The following NF1 variants were observed in gnomAD, a reference collection of about 807,000 sequenced individuals.
The protein encoded by NF1 is neurofibromin.
In NF1, 122 loss-of-function variants were observed where a neutral mutation model predicts 325.7. The ratio of observed to expected loss-of-function variants is 0.37; its 90% CI spans 0.32 to 0.44. NF1 has a LOEUF of 0.44. NF1 is among the 20% of genes least tolerant of loss of function. The pLI is 1.00. For synonymous variants in NF1, 1,091 were observed against 1,186.0 expected, an observed-to-expected ratio of 0.92 and a Z score of 1.65; for missense variants, 2,140 against 3,415.4, an observed-to-expected ratio of 0.63 and a Z score of 9.31.
chr17:31,338,354 C>T (rs564095297), intron 45 of NF1, among the ~76,000 whole-genome samples: 3 of 152,256 alleles, frequency 2.0e-5, no homozygotes, highest in East Asian at 1.9e-4. Flanking sequence ...CTGATTACTT[C>T]ATTAAGGAAG....
chr17:31,285,736 G>C (rs1215989800), intron 36 of NF1, among the ~76,000 whole-genome samples: 4 of 152,040 alleles, frequency 2.6e-5, no homozygotes, highest in Non-Finnish European at 5.9e-5. Flanking sequence ...TCAGCTGCTT[G>C]TGAGGCTGAG....
intron 5 of NF1, among the ~76,000 whole-genome samples, chr17:31,175,344 G>GCTTTT (rs2066002108): frequency 3.5e-5 from 3 of 84,646 alleles, no homozygotes; most frequent in Non-Finnish European, 7.5e-5. Context: ...CTGTGCTTTT[G>GCTTTT]CTTTTTTTTT....
intron 8 of NF1, among the ~76,000 whole-genome samples, chr17:31,189,551 A>G (rs1318057887): frequency 6.6e-6 from 1 of 152,190 alleles, no homozygotes; most frequent in African/African-American, 2.4e-5. Context: ...CCTCACTCGC[A>G]GCCCTTGGCA....
At position 31,181,804 on chromosome 17, in the gene NF1, T is replaced by TC. The variant is rs2066141373; in HGVS notation, c.730+19_730+20insC. ...ATGGCTGGTAAGGATACGATTGATT[T>TC]TTTTTTTTTTTTTGTCTTTTAAATG... is the stretch of plus-strand genomic sequence containing the variant. On this transcript the variant is annotated intron_variant, in intron 7 of 57. Coordinates refer to ENST00000358273, the MANE Select transcript of NF1 (RefSeq NM_001042492.3). 1 of 1,476,058 alleles carries TC rather than the reference T, an allele frequency of 6.8e-7. No homozygotes were observed. The highest frequency in any genetic ancestry group is 1.4e-5 in the African/African-American group (1 of 69,336). The allele number at this position is 1,476,058 out of a possible 1,614,324, so 91.4% of individuals were successfully genotyped here.
At chr17:31,194,594 T>G (rs1207787582) in intron 8 of NF1, among the ~76,000 whole-genome samples, 1 of 152,182 alleles carries the variant, frequency 6.6e-6, no homozygotes, top group African/African-American at 2.4e-5. Flanking sequence ...TACCTTGATT[T>G]GATCTCTGTA....
At chr17:31,326,579 G>A (rs1161962200) in intron 37 of NF1, among the ~76,000 whole-genome samples, 1 of 152,070 alleles carries the variant, frequency 6.6e-6, no homozygotes, top group Non-Finnish European at 1.5e-5. Flanking sequence ...CCCGGGAGGT[G>A]GAGGTTGCAG....
At chr17:31,318,471 G>A (rs201100937) in intron 36 of NF1, 41 of 1,613,950 alleles carry the variant, frequency 2.5e-5, no homozygotes, top group Middle Eastern at 1.6e-4. Flanking sequence ...CCAGAAAATC[G>A]CCATTGCTTC....
intron 39 of NF1, 65 bp downstream of exon 39, chr17:31,330,563 C>A (rs2151545208): frequency 7.9e-7 from 1 of 1,263,922 alleles, no homozygotes; most frequent in Non-Finnish European, 1.1e-6. Context: ...AAAACCCTTT[C>A]ATTTCAGAAT....
At chr17:31,270,796 A>G (rs1242882576) in intron 36 of NF1, among the ~76,000 whole-genome samples, 2 of 152,196 alleles carry the variant, frequency 1.3e-5, no homozygotes, top group African/African-American at 4.8e-5. Flanking sequence ...TTCTCATTTA[A>G]TCTACATAAT....
Position 31,191,445 on chromosome 17 carries a change from A to G in NF1, c.888+8780A>G, listed in dbSNP as rs549070334. Among the ~76,000 whole-genome samples, 26 of 152,358 alleles carry G rather than the reference A, an allele frequency of 1.7e-4. 1 individual carries two copies. In the South Asian group the frequency reaches 5.4e-3, roughly 32 times the overall value. ...GCCTTGGAACTGTGGAATACTATTC[A>G]GCAATAAAAAGGAACTACTGACTCG... On this transcript the variant is annotated intron_variant, in intron 8 of 57. Transcript: ENST00000358273.
In NF1 at chr17:31,117,672, CAAAAAAAAAAA is replaced by C. The variant is rs780828438; in HGVS notation, c.60+22324_60+22334del. Reference sequence around the variant, plus strand: ...TGGGTGACAGAGCAAAACTCCATCTCAAAAAAAAAAAAAAAAAAAAAAAAAAAAAAAGGAAT... The same window carrying C: ...TGGGTGACAGAGCAAAACTCCATCTCAAAAAAAAAAAAAAAAAAAAGGAAT... On this transcript the variant is annotated intron_variant, in intron 1 of 57. Transcript: ENST00000358273. Among the ~76,000 whole-genome samples, 29 of 19,810 alleles carry C rather than the reference CAAAAAAAAAAA, an allele frequency of 1.5e-3. No individual in the cohort carries two copies. In the South Asian group the frequency reaches 0.027, roughly 18 times the overall value. 13.0% of individuals were successfully genotyped at this position (19,810 alleles called of 152,430 possible).
chr17:31,260,345 T>G, intron 33 of NF1, 24 bp from the exon 34 acceptor site: 1 of 1,612,384 alleles, frequency 6.2e-7, no homozygotes, highest in Non-Finnish European at 8.5e-7. Flanking sequence ...TGTTGAAAAT[T>G]CTAATGACTT....
In NF1 at chr17:31,376,564, C is replaced by T; in HGVS notation, c.*2409C>T. ...TAGCTTTCCAAGTAACTAAAATGTA[C>T]ATGAGATAAACCTCTCACCACTATG... On this transcript the variant is annotated 3_prime_UTR_variant, in exon 58 of 58. Coordinates refer to ENST00000358273, the MANE Select transcript of NF1 (RefSeq NM_001042492.3). 4.3e-6 allele frequency: 1 copy of T among 232,920 alleles called. No individual in the cohort carries two copies. Among genetic ancestry groups the T allele is most frequent in the Non-Finnish European group, 8.5e-6 (1 of 117,828 alleles). The allele number at this position is 232,920 out of a possible 1,614,324, so 14.4% of individuals were successfully genotyped here. A position where few individuals can be genotyped will look rare whatever the true frequency, so the allele number is the denominator to read the frequency against.
chr17:31,245,708 C>T (rs890588543), intron 29 of NF1, among the ~76,000 whole-genome samples: 3 of 152,204 alleles, frequency 2.0e-5, no homozygotes, highest in African/African-American at 7.2e-5. Flanking sequence ...ATGCTGTCTC[C>T]AGGTGCACTA....
rs2070732 is a variant in NF1, at chr17:31,318,236, A to G, written c.4836-7584A>G. The G allele has an allele frequency of 7.2e-4, 1,094 of 1,527,192 alleles. 16 individuals carry two copies. The East Asian group carries it at 0.019, about 26-fold the overall frequency. 94.6% of individuals were successfully genotyped at this position (1,527,192 alleles called of 1,614,324 possible). ...TAGATAATCAGAACAACACTTTGGG[A>G]TTAAATACCAACTGACTTCATTTTT... is the stretch of plus-strand genomic sequence containing the variant. On this transcript the variant is annotated intron_variant, in intron 36 of 57. Transcript: ENST00000358273.
At chr17:31,185,346 C>A (rs151071030) in intron 8 of NF1, among the ~76,000 whole-genome samples, 1 of 152,128 alleles carries the variant, frequency 6.6e-6, no homozygotes, top group Non-Finnish European at 1.5e-5. Flanking sequence ...CTTGGAGAGA[C>A]CTTGGTCATG....
At chr17:31,149,905 T>G (rs1159384653) in intron 1 of NF1, among the ~76,000 whole-genome samples, 1 of 152,150 alleles carries the variant, frequency 6.6e-6, no homozygotes, top group Non-Finnish European at 1.5e-5. Context: ...GGGCTAGTAT[T>G]GGTCAGCAAA....
intron 12 of NF1, among the ~76,000 whole-genome samples, chr17:31,209,318 T>C (rs2066681186): frequency 1.3e-5 from 2 of 152,256 alleles, no homozygotes; most frequent in African/African-American, 4.8e-5. Context: ...AGTAGCAATC[T>C]AGGAGTTCTG....
At chr17:31,318,323 T>C in intron 36 of NF1, 1 of 1,609,230 alleles carries the variant, frequency 6.2e-7, no homozygotes, top group Non-Finnish European at 8.5e-7. Context: ...TGTTTGTTAG[T>C]AAGTTTTTCA....
Sources: gnomAD v4.1 joint callset for allele counts (sites outside exome capture counted in the v4.1 genomes callset) on GRCh38, gnomAD v4.1.1 for gene constraint, MANE v1.5 for transcripts, NCBI Gene and HGNC (gene_info 2026-07-23, HGNC 2026-07-21) for gene names.